Variants in MACROD2 observed in about 807,000 individuals in gnomAD.
MACROD2 encodes the protein mono-ADP ribosylhydrolase 2.
A neutral mutation model predicts 70.4 loss-of-function variants in MACROD2; 36 were observed. That is an observed-to-expected ratio of 0.51 (90% CI 0.39 to 0.68). The LOEUF is 0.68. Ranked by LOEUF, MACROD2 falls within the 30% of genes least tolerant of loss-of-function variation. The pLI is 0.00. For missense variants in MACROD2, 496 were observed against 538.4 expected, an observed-to-expected ratio of 0.92 and a Z score of 0.78; for synonymous variants, 172 against 178.8, an observed-to-expected ratio of 0.96 and a Z score of 0.30.
chr20:15,829,089 G>A (rs2064027531), intron 8 of MACROD2, among the ~76,000 whole-genome samples: 1 of 151,560 alleles, frequency 6.6e-6, no homozygotes, highest in Non-Finnish European at 1.5e-5. Context: ...AGATTGTTCT[G>A]GTATTTATCT....
intron 3 of MACROD2, among the ~76,000 whole-genome samples, chr20:14,372,972 T>C (rs928457287): frequency 2.0e-5 from 3 of 152,120 alleles, no homozygotes; most frequent in African/African-American, 4.8e-5. Context: ...CAAAATTCAT[T>C]TATAGTGACC....
intron 15 of MACROD2, among the ~76,000 whole-genome samples, chr20:15,994,521 A>G (rs887719278): frequency 1.3e-5 from 2 of 152,222 alleles, no homozygotes; most frequent in African/African-American, 4.8e-5. Flanking sequence ...CATCAGGTTC[A>G]GGGTCCTACT....
At chr20:16,012,488 C>G (rs909075167) in intron 15 of MACROD2, among the ~76,000 whole-genome samples, 6 of 152,152 alleles carry the variant, frequency 3.9e-5, no homozygotes, top group Non-Finnish European at 7.3e-5. Flanking sequence ...CTGAGTGACT[C>G]CAATGTGTAG....
At chr20:15,713,993 A>G (rs1429003580) in intron 8 of MACROD2, among the ~76,000 whole-genome samples, 1 of 125,758 alleles carries the variant, frequency 8.0e-6, no homozygotes, top group East Asian at 2.1e-4. Flanking sequence ...ATATGCACAC[A>G]CACACACACA....
chr20:15,891,974 G>A (rs908377359), intron 10 of MACROD2, among the ~76,000 whole-genome samples: 2 of 152,114 alleles, frequency 1.3e-5, no homozygotes, highest in African/African-American at 2.4e-5. Flanking sequence ...GAAACTTAGA[G>A]GGCCACATGG....
At chr20:15,699,602 C>G (rs562184929) in intron 8 of MACROD2, among the ~76,000 whole-genome samples, 1 of 152,122 alleles carries the variant, frequency 6.6e-6, no homozygotes, top group Non-Finnish European at 1.5e-5. Flanking sequence ...GCCGCTGTGT[C>G]CCCTGCCACA....
At chr20:15,639,366 A>G (rs1367403133) in intron 8 of MACROD2, among the ~76,000 whole-genome samples, 1 of 152,210 alleles carries the variant, frequency 6.6e-6, no homozygotes, top group Non-Finnish European at 1.5e-5. Context: ...TTGAGGCTCC[A>G]TGAGAAGGCA....
intron 3 of MACROD2, among the ~76,000 whole-genome samples, chr20:14,195,816 C>G (rs749225271): frequency 6.6e-6 from 1 of 152,206 alleles, no homozygotes; most frequent in Non-Finnish European, 1.5e-5. Context: ...CCCCCATCTG[C>G]TGAGAGCTAC....
At chr20:15,891,209 G>T (rs1185584954) in intron 10 of MACROD2, among the ~76,000 whole-genome samples, 3 of 152,180 alleles carry the variant, frequency 2.0e-5, no homozygotes, top group African/African-American at 7.2e-5. Flanking sequence ...ATGAATATGT[G>T]TGTTGGAGGA....
rs138151322 is a variant in MACROD2 at position 15,491,349 on chromosome 20, G to A, written c.572-8425G>A. 8.7e-3 allele frequency among the ~76,000 whole-genome samples: 1,328 copies of A among 152,296 alleles called. 18 individuals carry two copies. The highest frequency in any genetic ancestry group is 0.031 in the African/African-American group (1,272 of 41,548). Reference sequence around the variant, plus strand: ...GTTACAAGTAGAATACAGTGGAGAAGGGGTGATCGCAAGATCAGACATGAC... The same window carrying A: ...GTTACAAGTAGAATACAGTGGAGAAAGGGTGATCGCAAGATCAGACATGAC... On this transcript the variant is annotated intron_variant, in intron 7 of 17. Transcript: ENST00000684519.
chr20:14,941,090 T>A (rs949509740), intron 5 of MACROD2, among the ~76,000 whole-genome samples: 14 of 152,080 alleles, frequency 9.2e-5, no homozygotes, highest in African/African-American at 2.9e-4. Context: ...TTTGTTGAGG[T>A]TTTTTATTTC....
chr20:15,231,994 C>G (rs772163246), intron 6 of MACROD2, among the ~76,000 whole-genome samples: 6 of 151,968 alleles, frequency 3.9e-5, no homozygotes. Context: ...GCATGGTAGA[C>G]TACAGTTGCC....
chr20:14,302,588 G>T (rs1267422239), intron 3 of MACROD2, among the ~76,000 whole-genome samples: 2 of 151,964 alleles, frequency 1.3e-5, no homozygotes, highest in Non-Finnish European at 2.9e-5. Context: ...TTTTTCAAAG[G>T]GAGTACAGCA....
At chr20:14,206,293 A>G (rs904213554) in intron 3 of MACROD2, among the ~76,000 whole-genome samples, 3 of 152,220 alleles carry the variant, frequency 2.0e-5, no homozygotes, top group South Asian at 4.1e-4. Flanking sequence ...AATGCAAACT[A>G]TTGCATTCCG....
At chr20:14,942,441 C>T (rs1314471610) in intron 5 of MACROD2, among the ~76,000 whole-genome samples, 3 of 151,782 alleles carry the variant, frequency 2.0e-5, no homozygotes, top group East Asian at 1.9e-4. Flanking sequence ...TCCTCTTCCT[C>T]CTTTCTCCTC....
intron 5 of MACROD2, among the ~76,000 whole-genome samples, chr20:14,776,405 A>T (rs1346920024): frequency 6.6e-6 from 1 of 152,074 alleles, no homozygotes; most frequent in African/African-American, 2.4e-5. Flanking sequence ...GGTGAGGTTG[A>T]ATGAGATAAG....
intron 5 of MACROD2, chr20:14,757,955 C>T (rs1600632881): frequency 3.2e-6 from 3 of 931,964 alleles, no homozygotes; most frequent in East Asian, 2.4e-5. Context: ...GAGTGCTGTG[C>T]CCCCTGGTGC....
rs191211804 is a variant in MACROD2, at chr20:15,560,411, T to C, written c.645+60564T>C. ...CAATTATTAAAAAGAAAAGATGTAA[T>C]GCTAGTGCTAGATGCTGGGGGGATT... On this transcript the variant is annotated intron_variant, in intron 8 of 17. Transcript: ENST00000684519. Among the ~76,000 whole-genome samples the C allele has an allele frequency of 2.0e-4, 31 of 152,298 alleles. No homozygotes were observed. In the East Asian group the frequency reaches 6.0e-3, roughly 29 times the overall value.
At chr20:15,133,350 C>G (rs979143063) in intron 5 of MACROD2, among the ~76,000 whole-genome samples, 1 of 151,986 alleles carries the variant, frequency 6.6e-6, no homozygotes, top group Non-Finnish European at 1.5e-5. Context: ...AACAACCAAC[C>G]TCCTAGAAAA....
Sources: allele counts gnomAD v4.1 joint callset (sites outside exome capture counted in the v4.1 genomes callset), GRCh38; gene constraint gnomAD v4.1.1; transcripts MANE v1.5; gene names NCBI Gene and HGNC (gene_info 2026-07-23, HGNC 2026-07-21).